The following SYNRG variants were observed in gnomAD, a reference collection of about 807,000 sequenced individuals.
SYNRG encodes the protein AP1 gamma subunit binding protein 1.
Under a neutral mutation model 130.9 loss-of-function variants are expected in SYNRG, and 37 were observed. The ratio of observed to expected loss-of-function variants is 0.28; its 90% CI spans 0.22 to 0.37. The LOEUF (loss-of-function observed/expected upper bound fraction) is 0.37. SYNRG is among the 10% of genes least tolerant of loss of function. The probability of loss-of-function intolerance (pLI) is 1.00; values close to 1 mark genes in which losing one functional copy is unlikely to be tolerated. For missense variants in SYNRG, 1,338 were observed against 1,588.9 expected, an observed-to-expected ratio of 0.84 and a Z score of 2.68; for synonymous variants, 539 against 568.1, an observed-to-expected ratio of 0.95 and a Z score of 0.73.
At position 37,540,371 on chromosome 17, in the gene SYNRG, T is replaced by A; in HGVS notation, c.3366+9A>T. 6.2e-7 allele frequency: 1 copy of A among 1,612,928 alleles called. No homozygotes were observed. The highest frequency in any genetic ancestry group is 8.5e-7 in the Non-Finnish European group (1 of 1,179,652). On this transcript the variant is annotated intron_variant, in intron 16 of 21. Transcript: ENST00000612223. ...GTTACCCACCCCTTGTAGAAAGCTC[T>A]CCTCTCACCTCCACCTCTCCCGTCA...
At position 37,579,044 on chromosome 17, in the gene SYNRG, A is replaced by G. The variant is rs557937914; in HGVS notation, c.590-1431T>C. The G allele has an allele frequency of 8.6e-6, 8 of 926,970 alleles. No individual in the cohort carries two copies. The Admixed American group carries it at 3.6e-4, about 41-fold the overall frequency. The allele number at this position is 926,970 out of a possible 1,614,324, so 57.4% of individuals were successfully genotyped here. ...CATTTATGTGCATGTTTATTTGCCA[A>G]CATCACTGGATTATTCTACTTATAT... On this transcript the variant is annotated intron_variant, in intron 6 of 21. Coordinates refer to ENST00000612223, the MANE Select transcript of SYNRG (RefSeq NM_007247.6).
chr17:37,522,637 C>CTT (rs36077729), intron 19 of SYNRG, among the ~76,000 whole-genome samples: 21 of 97,770 alleles, frequency 2.1e-4, no homozygotes, highest in South Asian at 3.6e-4. Context: ...CCAGCTAACA[C>CTT]TTTTTTTTTT....
intron 19 of SYNRG, among the ~76,000 whole-genome samples, chr17:37,535,414 A>C (rs1489028461): frequency 1.3e-5 from 2 of 152,254 alleles, no homozygotes; most frequent in East Asian, 3.8e-4. Flanking sequence ...AAAGCCTTCT[A>C]ATAAATGTAA....
intron 14 of SYNRG, 70 bp downstream of exon 14, chr17:37,553,045 A>G: frequency 6.9e-7 from 1 of 1,455,928 alleles, no homozygotes; most frequent in African/African-American, 1.4e-5. Flanking sequence ...TACTCATGTA[A>G]ATCAACACCC....
chr17:37,607,978 A>AAAAAAAAAAAAAAAAAAG (rs1258991760), intron 1 of SYNRG, among the ~76,000 whole-genome samples: 1 of 103,778 alleles, frequency 9.6e-6, no homozygotes, highest in Non-Finnish European at 2.1e-5. Context: ...AAAAAAAAAA[A>AAAAAAAAAAAAAAAAAAG]AACAAGACAA....
Position 37,571,914 on chromosome 17 carries a change from C to T in SYNRG, c.975G>A (p.Leu325=). ...GIDTAKLYPI[L]MSSGLPRETL... The stretch of plus-strand genomic sequence containing the variant: ...TTTCCCTGGGAAGCCCAGATGACAT[C>T]AGAATGGGATACAGTTTGGCAGTAT... Residue 325 remains leucine, a synonymous_variant, in exon 9 of 22, where the codon CTG becomes CTA. Coordinates refer to ENST00000612223, the MANE Select transcript of SYNRG (RefSeq NM_007247.6). The T allele has an allele frequency of 1.2e-6, 2 of 1,614,168 alleles. No homozygotes were observed. Among genetic ancestry groups the T allele is most frequent in the Non-Finnish European group, 1.7e-6 (2 of 1,180,026 alleles).
chr17:37,538,180 G>C, intron 18 of SYNRG, 144 bp downstream of exon 18: 1 of 588,616 alleles, frequency 1.7e-6, no homozygotes, highest in Non-Finnish European at 2.9e-6. Context: ...ACTGCCTGTA[G>C]CTTGAGTGTC....
intron 19 of SYNRG, among the ~76,000 whole-genome samples, chr17:37,525,199 G>GC (rs1373340819): frequency 6.6e-6 from 1 of 152,154 alleles, no homozygotes; most frequent in African/African-American, 2.4e-5. Context: ...AAGAAGGTAT[G>GC]CCCTCTACAA....
rs1008855044 is a variant in SYNRG, at chr17:37,515,852, C to G, written c.*3088G>C. The G allele has an allele frequency of 2.6e-5, 4 of 152,212 alleles. No individual in the cohort carries two copies. The highest frequency in any genetic ancestry group is 9.7e-5 in the African/African-American group (4 of 41,444). 9.4% of individuals were successfully genotyped at this position (152,212 alleles called of 1,614,324 possible). On this transcript the variant is annotated 3_prime_UTR_variant, in exon 22 of 22. Transcript: ENST00000612223. ...ATAATCTTTGCAAAGCTGAAGTACA[C>G]TTGAAATAGGCAAACAGAAGACACC... is the stretch of plus-strand genomic sequence containing the variant.
At chr17:37,541,306 A>G (rs2057736831) in intron 15 of SYNRG, 3 of 963,112 alleles carry the variant, frequency 3.1e-6, no homozygotes, top group Non-Finnish European at 3.7e-6. Context: ...ATGCCTTCAG[A>G]GACCAGGCAA....
intron 19 of SYNRG, among the ~76,000 whole-genome samples, chr17:37,529,115 G>A (rs1218319699): frequency 6.6e-6 from 1 of 152,162 alleles, no homozygotes; most frequent in Non-Finnish European, 1.5e-5. Flanking sequence ...AGACACTGAT[G>A]CTAGAAAAGG....
intron 13 of SYNRG, among the ~76,000 whole-genome samples, 182 bp from the exon 14 acceptor site, chr17:37,554,241 T>C (rs2058932125): frequency 6.6e-6 from 1 of 152,212 alleles, no homozygotes; most frequent in African/African-American, 2.4e-5. Context: ...TGAAGTCTAG[T>C]GATACTGAAA....
chr17:37,535,082 T>C (rs1395080016), intron 19 of SYNRG, among the ~76,000 whole-genome samples: 2 of 152,148 alleles, frequency 1.3e-5, no homozygotes, highest in Non-Finnish European at 2.9e-5. Flanking sequence ...AAATAGCTGA[T>C]AAACGTTTAC....
chr17:37,519,743 G>A (rs2054759480), intron 21 of SYNRG, among the ~76,000 whole-genome samples: 2 of 152,184 alleles, frequency 1.3e-5, no homozygotes, highest in African/African-American at 4.8e-5. Context: ...TGGAAAAGTA[G>A]AGTCCAAACC....
chr17:37,565,702 T>G (rs1280633597), intron 11 of SYNRG, among the ~76,000 whole-genome samples: 1 of 144,972 alleles, frequency 6.9e-6, no homozygotes, highest in East Asian at 2.2e-4. Flanking sequence ...CGCCGCCCCA[T>G]CTGGGATGTG....
chr17:37,544,797 T>C (rs1371120063), intron 14 of SYNRG, among the ~76,000 whole-genome samples: 3 of 152,190 alleles, frequency 2.0e-5, no homozygotes, highest in African/African-American at 7.2e-5. Flanking sequence ...TACAGGACTA[T>C]TCTTGGAGAG....
intron 3 of SYNRG, among the ~76,000 whole-genome samples, chr17:37,595,971 T>G (rs4795206): frequency 6.6e-6 from 1 of 152,028 alleles, no homozygotes; most frequent in Non-Finnish European, 1.5e-5. Context: ...GCCAGGCTGG[T>G]CTCGAACTCC....
At chr17:37,529,827 TCA>T (rs1411734776) in intron 19 of SYNRG, 10 of 1,551,462 alleles carry the variant, frequency 6.4e-6, no homozygotes, top group East Asian at 2.4e-5. Flanking sequence ...TGCTTTGTAA[TCA>T]CAGTCATCTT....
chr17:37,585,289 G>C, intron 5 of SYNRG, 36 bp downstream of exon 5: 2 of 1,533,188 alleles, frequency 1.3e-6, no homozygotes, highest in South Asian at 2.3e-5. Context: ...TTCAGGGTGT[G>C]TATGTTCTGG....
Sources: allele counts gnomAD v4.1 joint callset (sites outside exome capture counted in the v4.1 genomes callset), GRCh38; gene constraint gnomAD v4.1.1; transcripts MANE v1.5; gene names NCBI Gene and HGNC (gene_info 2026-07-23, HGNC 2026-07-21).